Variants in INTS9 observed in about 807,000 individuals in gnomAD.
INTS9 encodes the protein integrator complex subunit 9, also known as protein related to CPSF subunits of 74 kDa.
In INTS9, 55 loss-of-function variants were observed where a neutral mutation model predicts 79.7. That is an observed-to-expected ratio of 0.69 (90% confidence interval 0.56 to 0.86). The LOEUF (loss-of-function observed/expected upper bound fraction) is 0.86, where lower values mean the gene tolerates loss of function less well. INTS9 is among the 40% of genes least tolerant of loss of function. The pLI is 0.00. For missense variants in INTS9, 721 were observed against 831.5 expected (o/e 0.87, Z 1.64); for synonymous variants, 319 against 325.2 (o/e 0.98, Z 0.20).
chr8:28,846,793 G>A lies in INTS9; in HGVS notation c.215C>T (p.Ser72Leu), dbSNP rs758455209. 8.1e-6 allele frequency: 13 copies of A among 1,613,164 alleles called. No individual in the cohort carries two copies. Among genetic ancestry groups the A allele is most frequent in the Admixed American group, 3.3e-5 (2 of 59,988 alleles). Residue 72 changes from serine (S) to leucine (L), a missense_variant, in exon 4 of 17, where the codon TCG (serine) becomes TTG (leucine). By Grantham distance (145) the Ser-to-Leu change is moderately radical (BLOSUM62 -2). Transcript: ENST00000521022. ...AFLDKELKEC[S>L]GHVFVDSVPE... is the part of the protein sequence containing the mutation. ...CACAGAATCCACAAATACATGACCC[G>A]AGCACTCCTTTAGCTCCTAAAAGAA...
At position 28,835,395 on chromosome 8, in the gene INTS9, C is replaced by T. The variant is rs544335141; in HGVS notation, c.402-17G>A. The T allele has an allele frequency of 1.3e-6, 2 of 1,598,104 alleles. No individual in the cohort carries two copies. Among genetic ancestry groups the T allele is most frequent in the East Asian group, 4.5e-5 (2 of 44,712 alleles). On this transcript the variant is annotated splice_polypyrimidine_tract_variant and intron_variant, in intron 5 of 16. Coordinates refer to ENST00000521022, the MANE Select transcript of INTS9 (RefSeq NM_018250.4). Reference sequence around the variant, plus strand: ...ATGAGAAGCCTGAGTTTAAACAAAACAAGTGAGGAACACCCATTAAAAAAT... The same window carrying T: ...ATGAGAAGCCTGAGTTTAAACAAAATAAGTGAGGAACACCCATTAAAAAAT...
intron 1 of INTS9, among the ~76,000 whole-genome samples, chr8:28,872,383 C>A (rs1477844299): frequency 1.3e-5 from 2 of 152,078 alleles, no homozygotes; most frequent in East Asian, 3.8e-4. Flanking sequence ...CATAAATGTT[C>A]CAAATGAAAA....
chr8:28,806,045 T>C (rs530361358), intron 8 of INTS9, among the ~76,000 whole-genome samples: 1 of 151,128 alleles, frequency 6.6e-6, no homozygotes, highest in East Asian at 1.9e-4. Context: ...GCCTGGGCAA[T>C]ATAGGAAGAT....
chr8:28,857,640 A>C (rs1318089343), intron 2 of INTS9, among the ~76,000 whole-genome samples: 1 of 152,248 alleles, frequency 6.6e-6, no homozygotes, highest in Non-Finnish European at 1.5e-5. Context: ...GACTCTGAAA[A>C]AGTGACGAGT....
chr8:28,864,985 C>CA (rs767728666), intron 1 of INTS9, among the ~76,000 whole-genome samples: 6,519 of 64,546 alleles, frequency 0.1, 330 homozygotes, highest in African/African-American at 0.21. Context: ...GACACCGTCT[C>CA]AAAAAAAAAA....
intron 4 of INTS9, among the ~76,000 whole-genome samples, chr8:28,843,057 G>C (rs1807285881): frequency 6.6e-6 from 1 of 152,216 alleles, no homozygotes; most frequent in African/African-American, 2.4e-5. Flanking sequence ...AATACTGAAA[G>C]AACTTTAAGA....
intron 1 of INTS9, among the ~76,000 whole-genome samples, chr8:28,882,170 C>T (rs1181346165): frequency 7.7e-5 from 11 of 142,850 alleles, no homozygotes; most frequent in Non-Finnish European, 1.7e-4. Flanking sequence ...ACCCTGTGCT[C>T]TCTGAAACAT....
intron 1 of INTS9, among the ~76,000 whole-genome samples, chr8:28,883,882 A>C (rs556178835): frequency 2.0e-5 from 3 of 152,260 alleles, no homozygotes; most frequent in Admixed American, 2.0e-4. Flanking sequence ...GCAAACCAGG[A>C]GTGTATTTTC....
At chr8:28,846,437 A>G (rs1432141725) in intron 4 of INTS9, among the ~76,000 whole-genome samples, 1 of 152,240 alleles carries the variant, frequency 6.6e-6, no homozygotes, top group East Asian at 1.9e-4. Context: ...GCACACAGGC[A>G]TCAGAATCAC....
At chr8:28,879,769 C>G (rs1242899522) in intron 1 of INTS9, among the ~76,000 whole-genome samples, 1 of 152,078 alleles carries the variant, frequency 6.6e-6, no homozygotes, top group African/African-American at 2.4e-5. Context: ...ACCACATGAA[C>G]GAACTTCAGA....
At chr8:28,886,676 G>A (rs1358132156) in intron 1 of INTS9, among the ~76,000 whole-genome samples, 1 of 152,092 alleles carries the variant, frequency 6.6e-6, no homozygotes, top group Admixed American at 6.5e-5. Flanking sequence ...GGGTGCTAGA[G>A]TTCCTACCCT....
At chr8:28,862,581 C>T (rs1023575440) in intron 1 of INTS9, among the ~76,000 whole-genome samples, 1 of 152,140 alleles carries the variant, frequency 6.6e-6, no homozygotes, top group African/African-American at 2.4e-5. Context: ...GTAGCACTAA[C>T]TGGGTCAAAA....
At chr8:28,871,944 T>C (rs149536774) in intron 1 of INTS9, among the ~76,000 whole-genome samples, 1 of 152,236 alleles carries the variant, frequency 6.6e-6, no homozygotes, top group East Asian at 1.9e-4. Flanking sequence ...GCACAGTCAA[T>C]TCATGAAATA....
At chr8:28,849,931 T>C (rs1807735305) in intron 3 of INTS9, 1 of 297,960 alleles carries the variant, frequency 3.4e-6, no homozygotes, top group Non-Finnish European at 6.1e-6. Context: ...ATTCTAGAAA[T>C]AATAGTTGTC....
chr8:28,888,718 T>TATATATATAAGGATTTATATATA (rs1810328696), intron 1 of INTS9, among the ~76,000 whole-genome samples: 2 of 152,204 alleles, frequency 1.3e-5, no homozygotes, highest in African/African-American at 4.8e-5. Flanking sequence ...ATCCTTCCCC[T>TATATATATAAGGATTTATATATA]TATATAAACA....
chr8:28,771,865 GTCTT>G (rs1299522073), intron 14 of INTS9, among the ~76,000 whole-genome samples: 1 of 151,856 alleles, frequency 6.6e-6, no homozygotes, highest in Non-Finnish European at 1.5e-5. Context: ...CTCTGAAGGA[GTCTT>G]TTTTTTTTTG....
At chr8:28,821,509 A>T (rs1043035741) in intron 6 of INTS9, among the ~76,000 whole-genome samples, 1 of 152,076 alleles carries the variant, frequency 6.6e-6, no homozygotes, top group African/African-American at 2.4e-5. Context: ...TTGGGTGGGG[A>T]CGCAGGCAAA....
At chr8:28,842,500 T>A (rs1170421167) in intron 4 of INTS9, among the ~76,000 whole-genome samples, 1 of 152,226 alleles carries the variant, frequency 6.6e-6, no homozygotes, top group Non-Finnish European at 1.5e-5. Flanking sequence ...GACTGTCTAA[T>A]GTCAATTTGT....
At chr8:28,782,971 C>A (rs1803377331) in intron 11 of INTS9, among the ~76,000 whole-genome samples, 1 of 152,020 alleles carries the variant, frequency 6.6e-6, no homozygotes, top group Non-Finnish European at 1.5e-5. Context: ...CATGGTGAAA[C>A]CCCGTCTCTA....
Sources: gnomAD v4.1 joint callset for allele counts (sites outside exome capture counted in the v4.1 genomes callset) on GRCh38, gnomAD v4.1.1 for gene constraint, MANE v1.5 for transcripts, NCBI Gene and HGNC (gene_info 2026-07-23, HGNC 2026-07-21) for gene names.